CLYBL: variants seen among roughly 807,000 people sequenced by gnomAD.
CLYBL encodes citramalyl-CoA lyase.
In CLYBL, 31 loss-of-function variants were observed where a neutral mutation model predicts 38.9. The ratio of observed to expected loss-of-function variants is 0.80; its 90% confidence interval spans 0.60 to 1.08. CLYBL has a LOEUF of 1.08. CLYBL is among the 50% of genes least tolerant of loss of function. The pLI, the probability that CLYBL is intolerant of heterozygous loss-of-function variation, is 0.00. For synonymous variants in CLYBL, 171 were observed against 158.6 expected, an observed-to-expected ratio of 1.08 and a Z score of -0.59; for missense variants, 434 against 411.6, an observed-to-expected ratio of 1.05 and a Z score of -0.47.
chr13:99,758,110 A>G (rs1194052506), intron 1 of CLYBL, among the ~76,000 whole-genome samples: 2 of 152,212 alleles, frequency 1.3e-5, no homozygotes, highest in African/African-American at 4.8e-5. Flanking sequence ...GGGTCCTGTT[A>G]CTAATGAATT....
At chr13:99,752,510 T>C (rs1399972340) in intron 1 of CLYBL, among the ~76,000 whole-genome samples, 1 of 152,044 alleles carries the variant, frequency 6.6e-6, no homozygotes, top group African/African-American at 2.4e-5. Context: ...GGCTGGAGAA[T>C]AGGAAAATGG....
intron 7 of CLYBL, among the ~76,000 whole-genome samples, chr13:99,881,138 A>G (rs2052196638): frequency 6.6e-6 from 1 of 152,198 alleles, no homozygotes; most frequent in African/African-American, 2.4e-5. Flanking sequence ...ATCAAAGGCC[A>G]TGGAGTGTCT....
chr13:99,853,662 A>G (rs974531116), intron 2 of CLYBL, among the ~76,000 whole-genome samples: 1 of 152,128 alleles, frequency 6.6e-6, no homozygotes, highest in Admixed American at 6.6e-5. Flanking sequence ...TTTTCAGTGC[A>G]GTCACTACAA....
intron 1 of CLYBL, among the ~76,000 whole-genome samples, chr13:99,694,409 C>T (rs1446275750): frequency 6.6e-6 from 1 of 152,194 alleles, no homozygotes; most frequent in Non-Finnish European, 1.5e-5. Flanking sequence ...GGGACTTCCG[C>T]AGACACAGCA....
At chr13:99,711,764 G>A (rs2139494264) in intron 1 of CLYBL, among the ~76,000 whole-genome samples, 1 of 150,652 alleles carries the variant, frequency 6.6e-6, no homozygotes, top group South Asian at 2.1e-4. Context: ...TCACCAGGCT[G>A]GAGTCCAGTG....
intron 1 of CLYBL, among the ~76,000 whole-genome samples, chr13:99,711,403 CTTTTTTT>C (rs71215540): frequency 2.4e-5 from 2 of 83,206 alleles, no homozygotes; most frequent in African/African-American, 1.0e-4. Context: ...GGGAGTCCGT[CTTTTTTT>C]TTTTTTTTTT....
At position 99,612,253 on chromosome 13, in the gene CLYBL, T is replaced by C. The variant is rs558969626; in HGVS notation, c.62+5496T>C. ...CATCTTTTTGTTTTATCGATTTTTC[T>C]CTTTTTTTTGTTTTCTATTTCATTG... On this transcript the variant is annotated intron_variant, in intron 1 of 8. Coordinates refer to ENST00000339105, the MANE Select transcript of CLYBL (RefSeq NM_206808.5). 4.6e-5 allele frequency among the ~76,000 whole-genome samples: 7 copies of C among 152,258 alleles called. No individual in the cohort carries two copies. In the East Asian group the frequency reaches 1.2e-3, roughly 25 times the overall value.
chr13:99,844,484 C>T (rs968791180), intron 2 of CLYBL, among the ~76,000 whole-genome samples: 6 of 152,214 alleles, frequency 3.9e-5, no homozygotes, highest in African/African-American at 1.4e-4. Flanking sequence ...GGTGTTGGCA[C>T]ACCATTGGGA....
intron 1 of CLYBL, among the ~76,000 whole-genome samples, chr13:99,661,716 T>A (rs2047411979): frequency 1.3e-5 from 2 of 152,236 alleles, no homozygotes; most frequent in East Asian, 1.9e-4. Context: ...GGATTTTTTT[T>A]AAAGTATGAT....
At chr13:99,777,545 T>G (rs2049546436) in intron 2 of CLYBL, among the ~76,000 whole-genome samples, 1 of 151,082 alleles carries the variant, frequency 6.6e-6, no homozygotes, top group Non-Finnish European at 1.5e-5. Flanking sequence ...CAGGCTAGAG[T>G]GCAATGGTGT....
At chr13:99,813,223 G>T (rs879533487) in intron 2 of CLYBL, among the ~76,000 whole-genome samples, 25 of 152,108 alleles carry the variant, frequency 1.6e-4, no homozygotes, top group Admixed American at 8.5e-4. Flanking sequence ...CCATGCCTGA[G>T]AACATGGCCC....
intron 2 of CLYBL, among the ~76,000 whole-genome samples, chr13:99,789,304 A>G (rs1459086537): frequency 3.3e-5 from 5 of 152,092 alleles, no homozygotes; most frequent in Admixed American, 6.6e-5. Flanking sequence ...TGTCAATTTT[A>G]GATCTTTCCT....
intron 8 of CLYBL, among the ~76,000 whole-genome samples, chr13:99,903,308 G>A (rs1291973600): frequency 2.6e-5 from 4 of 152,122 alleles, no homozygotes; most frequent in African/African-American, 9.7e-5. Context: ...TTCCTTGAAG[G>A]TGCTCCCCCA....
chr13:99,725,287 G>A (rs181431337), intron 1 of CLYBL, among the ~76,000 whole-genome samples: 3 of 152,262 alleles, frequency 2.0e-5, no homozygotes, highest in South Asian at 2.1e-4. Flanking sequence ...TGGTAATACC[G>A]TGCGGTTTTT....
chr13:99,895,735 C>T (rs1420832971), downstream of CLYBL: 1 of 152,208 alleles, frequency 6.6e-6, no homozygotes, highest in Non-Finnish European at 1.5e-5. Context: ...GAATTGCCCA[C>T]GACGTAAAGA....
At chr13:99,734,904 A>G (rs1273818488) in intron 1 of CLYBL, among the ~76,000 whole-genome samples, 1 of 152,204 alleles carries the variant, frequency 6.6e-6, no homozygotes, top group African/African-American at 2.4e-5. Context: ...TAGTAGAACT[A>G]TATTACTATA....
chr13:99,729,816 C>A (rs1566304399), intron 1 of CLYBL, among the ~76,000 whole-genome samples: 1 of 152,208 alleles, frequency 6.6e-6, no homozygotes, highest in Non-Finnish European at 1.5e-5. Flanking sequence ...GGTGCCACTA[C>A]CCCCTGCCAC....
At chr13:99,906,782 T>G (rs552109405) in intron 9 of CLYBL, among the ~76,000 whole-genome samples, 12 of 152,336 alleles carry the variant, frequency 7.9e-5, no homozygotes, top group African/African-American at 2.9e-4. Flanking sequence ...TTTAAAACAT[T>G]AAAACATCTT....
rs571083864 is a variant in CLYBL, at chr13:99,754,827, C to T, written c.63-17997C>T. ...CAGACTGGTCTCGAACTCCTGACCT[C>T]GTGATCCACTCGCCTCAGCCTTCCA... On this transcript the variant is annotated intron_variant, in intron 1 of 8. Transcript: ENST00000339105. 6.0e-5 allele frequency among the ~76,000 whole-genome samples: 9 copies of T among 149,668 alleles called. No homozygotes were observed. In the South Asian group the frequency reaches 8.5e-4, roughly 14 times the overall value.
Sources: gnomAD v4.1 joint callset for allele counts (sites outside exome capture counted in the v4.1 genomes callset) on GRCh38, gnomAD v4.1.1 for gene constraint, MANE v1.5 for transcripts, NCBI Gene and HGNC (gene_info 2026-07-23, HGNC 2026-07-21) for gene names.